Variants in SMYD3 observed in about 807,000 individuals in gnomAD.
SMYD3 encodes the protein SET and MYND domain containing 3.
Under a neutral mutation model 57.7 loss-of-function variants are expected in SMYD3, and 36 were observed. The ratio of observed to expected loss-of-function variants is 0.62; its 90% CI spans 0.48 to 0.82. The LOEUF (loss-of-function observed/expected upper bound fraction) is 0.82. SMYD3 is among the 40% of genes least tolerant of loss of function. The probability of loss-of-function intolerance (pLI) is 0.00; values close to 1 mark genes in which losing one functional copy is unlikely to be tolerated. For missense variants in SMYD3, 515 were observed against 538.8 expected (o/e 0.96, Z 0.44); for synonymous variants, 211 against 195.0 (o/e 1.08, Z -0.68).
chr1:245,844,559 G>T (rs2050565112), intron 10 of SMYD3, among the ~76,000 whole-genome samples: 3 of 151,550 alleles, frequency 2.0e-5, no homozygotes, highest in African/African-American at 7.3e-5. Flanking sequence ...ATGTGATCAG[G>T]ATCCGGTTTT....
At chr1:245,835,940 G>A (rs953797433) in intron 10 of SMYD3, among the ~76,000 whole-genome samples, 34 of 152,132 alleles carry the variant, frequency 2.2e-4, no homozygotes, top group Admixed American at 9.2e-4. Flanking sequence ...AGAGGACAGC[G>A]AAAACTTGCT....
At chr1:245,833,048 G>A (rs530835912) in intron 10 of SMYD3, among the ~76,000 whole-genome samples, 17 of 56,560 alleles carry the variant, frequency 3.0e-4, no homozygotes, top group Admixed American at 6.1e-4. Context: ...ATTACTGCCC[G>A]GAATATGTGA....
intron 5 of SMYD3, among the ~76,000 whole-genome samples, chr1:246,056,976 C>CA (rs1297592217): frequency 6.6e-6 from 1 of 152,138 alleles, no homozygotes; most frequent in Non-Finnish European, 1.5e-5. Context: ...CCCTTTGCCT[C>CA]AGTTTTCTCA....
intron 2 of SMYD3, among the ~76,000 whole-genome samples, chr1:246,342,852 C>T (rs1287510739): frequency 6.6e-6 from 1 of 152,052 alleles, no homozygotes; most frequent in African/African-American, 2.4e-5. Flanking sequence ...TAATATGAGA[C>T]AATAATAACA....
intron 5 of SMYD3, among the ~76,000 whole-genome samples, chr1:246,259,325 G>C (rs896868780): frequency 2.6e-5 from 4 of 152,202 alleles, no homozygotes; most frequent in African/African-American, 9.7e-5. Flanking sequence ...TTTCTCAGCT[G>C]AAGATGCTAG....
chr1:246,240,892 T>A (rs112932406), intron 5 of SMYD3, among the ~76,000 whole-genome samples: 30,470 of 150,596 alleles, frequency 0.2, 3,769 homozygotes, highest in East Asian at 0.57. Context: ...GCTCTCTGTT[T>A]GTCTGTTATT....
rs199559397 is a variant in SMYD3 at position 245,917,081 on chromosome 1, G to A, written c.703-1441C>T. 3.3e-4 allele frequency among the ~76,000 whole-genome samples: 49 copies of A among 149,640 alleles called. 1 individual carries two copies. The East Asian group carries it at 9.6e-3, about 29-fold the overall frequency. On this transcript the variant is annotated intron_variant, in intron 7 of 11. Coordinates refer to ENST00000490107, the MANE Select transcript of SMYD3 (RefSeq NM_001167740.2). The stretch of plus-strand genomic sequence containing the variant: ...GTCTCACTGTGCCACCAAGGCTGGT[G>A]TGCAGTGGCATGATCACAACTCACT...
chr1:246,072,380 C>T (rs1168962824), intron 5 of SMYD3, among the ~76,000 whole-genome samples: 1 of 149,264 alleles, frequency 6.7e-6, no homozygotes, highest in African/African-American at 2.5e-5. Flanking sequence ...CGTGTGCCTT[C>T]CACTGTGCTC....
At chr1:246,019,673 C>CTATCTT (rs1284886078) in intron 5 of SMYD3, among the ~76,000 whole-genome samples, 2 of 152,146 alleles carry the variant, frequency 1.3e-5, no homozygotes, top group Non-Finnish European at 2.9e-5. Context: ...TACCTAGGTC[C>CTATCTT]ATCTGTGCTA....
chr1:245,915,432 G>A (rs1048542372), intron 8 of SMYD3, 98 bp downstream of exon 8: 4 of 713,420 alleles, frequency 5.6e-6, no homozygotes, highest in Non-Finnish European at 1.0e-5. Context: ...ATGTACTGAG[G>A]GTCATTACTT....
At chr1:245,809,076 G>T (rs1464392819) in intron 10 of SMYD3, among the ~76,000 whole-genome samples, 1 of 152,154 alleles carries the variant, frequency 6.6e-6, no homozygotes, top group Non-Finnish European at 1.5e-5. Context: ...TAAGAAGTCA[G>T]ACTGGGCTCA....
chr1:246,296,339 A>G (rs940825700), intron 5 of SMYD3, among the ~76,000 whole-genome samples: 2 of 152,198 alleles, frequency 1.3e-5, no homozygotes, highest in Non-Finnish European at 2.9e-5. Flanking sequence ...CAATGTGTTA[A>G]TAACTTTACA....
At chr1:245,815,133 A>G (rs192310128) in intron 10 of SMYD3, among the ~76,000 whole-genome samples, 1 of 152,356 alleles carries the variant, frequency 6.6e-6, no homozygotes, top group East Asian at 1.9e-4. Flanking sequence ...AACTATTGCT[A>G]CCAACAATAA....
chr1:246,076,395 A>T (rs1176652644), intron 5 of SMYD3, among the ~76,000 whole-genome samples: 1 of 152,200 alleles, frequency 6.6e-6, no homozygotes, highest in Non-Finnish European at 1.5e-5. Flanking sequence ...CCAACAGACC[A>T]ACACAGAGAA....
chr1:246,249,020 G>C (rs2063757376), intron 5 of SMYD3, among the ~76,000 whole-genome samples: 1 of 151,698 alleles, frequency 6.6e-6, no homozygotes, highest in Non-Finnish European at 1.5e-5. Flanking sequence ...TCAAGAACAA[G>C]ATGCGAAAAC....
At chr1:246,410,778 C>T (rs1309341795) in intron 1 of SMYD3, among the ~76,000 whole-genome samples, 3 of 151,982 alleles carry the variant, frequency 2.0e-5, no homozygotes, top group African/African-American at 7.3e-5. Context: ...TGGTAGAATT[C>T]GGCTGTGAAT....
intron 5 of SMYD3, among the ~76,000 whole-genome samples, chr1:246,181,599 C>T (rs111598679): frequency 1.4e-4 from 21 of 152,326 alleles, no homozygotes; most frequent in Non-Finnish European, 2.2e-4. Context: ...TGTCAGAATA[C>T]CCCATAGGTA....
chr1:246,485,127 C>T (rs1321445808), intron 1 of SMYD3, among the ~76,000 whole-genome samples: 1 of 151,738 alleles, frequency 6.6e-6, no homozygotes, highest in Non-Finnish European at 1.5e-5. Flanking sequence ...GCACTAGTTA[C>T]ACCTGAAAAC....
chr1:246,169,256 G>A (rs1350606812), intron 5 of SMYD3, among the ~76,000 whole-genome samples: 4 of 151,838 alleles, frequency 2.6e-5, no homozygotes, highest in South Asian at 2.1e-4. Flanking sequence ...ACACTGCAAC[G>A]AATAGATAGG....
Sources: gnomAD v4.1 joint callset for allele counts (sites outside exome capture counted in the v4.1 genomes callset) on GRCh38, gnomAD v4.1.1 for gene constraint, MANE v1.5 for transcripts, NCBI Gene and HGNC (gene_info 2026-07-23, HGNC 2026-07-21) for gene names.